MAGI1: variants seen among roughly 807,000 people sequenced by gnomAD.
The protein encoded by MAGI1 is membrane associated guanylate kinase, WW and PDZ domain containing 1.
A neutral mutation model predicts 139.9 loss-of-function variants in MAGI1; 58 were observed. The observed-to-expected ratio is 0.41, with a 90% confidence interval of 0.34 to 0.52. MAGI1 has a LOEUF of 0.52. Among genes scored for constraint, MAGI1 ranks in the 20% least tolerant of loss-of-function variants. The pLI, the probability that MAGI1 is intolerant of heterozygous loss-of-function variation, is 0.12. For synonymous variants in MAGI1, 812 were observed against 737.9 expected, an observed-to-expected ratio of 1.10 and a Z score of -1.63; for missense variants, 1,874 against 1,901.6, an observed-to-expected ratio of 0.99 and a Z score of 0.27.
chr3:65,425,142 A>C (rs992654678), intron 12 of MAGI1, among the ~76,000 whole-genome samples: 2 of 146,472 alleles, frequency 1.4e-5, no homozygotes, highest in African/African-American at 2.5e-5. Flanking sequence ...ACAAAAAAAA[A>C]CACACATGCC....
chr3:66,024,315 T>TAAAA (rs34593257), intron 1 of MAGI1, among the ~76,000 whole-genome samples: 38 of 95,736 alleles, frequency 4.0e-4, no homozygotes, highest in East Asian at 9.3e-4. Flanking sequence ...CAAAGTTCAT[T>TAAAA]AAAAAAAAAA....
At chr3:65,701,845 G>C (rs1429124643) in intron 1 of MAGI1, among the ~76,000 whole-genome samples, 2 of 152,164 alleles carry the variant, frequency 1.3e-5, no homozygotes, top group African/African-American at 4.8e-5. Context: ...AAATAGAGGA[G>C]AAAATAGTAA....
At chr3:65,661,914 A>C (rs2086219397) in intron 1 of MAGI1, among the ~76,000 whole-genome samples, 1 of 150,862 alleles carries the variant, frequency 6.6e-6, no homozygotes, top group Admixed American at 6.6e-5. Context: ...TGCCCGGCTA[A>C]ATTTTTGTAT....
At chr3:65,654,526 T>C (rs1026022996) in intron 1 of MAGI1, among the ~76,000 whole-genome samples, 1 of 152,188 alleles carries the variant, frequency 6.6e-6, no homozygotes, top group Non-Finnish European at 1.5e-5. Context: ...CACTTTCAAA[T>C]AGAAGATTCC....
At chr3:65,543,207 T>A (rs1456616816) in intron 2 of MAGI1, among the ~76,000 whole-genome samples, 1 of 152,112 alleles carries the variant, frequency 6.6e-6, no homozygotes, top group African/African-American at 2.4e-5. Flanking sequence ...TGAGATACCA[T>A]CTCACGCCAG....
intron 4 of MAGI1, among the ~76,000 whole-genome samples, chr3:65,471,161 T>C (rs1050549289): frequency 1.3e-5 from 2 of 152,178 alleles, no homozygotes; most frequent in South Asian, 2.1e-4. Context: ...TGGACTGATA[T>C]GACTTGAGTC....
At chr3:65,630,200 C>T (rs573352571) in intron 1 of MAGI1, among the ~76,000 whole-genome samples, 25 of 152,114 alleles carry the variant, frequency 1.6e-4, no homozygotes, top group East Asian at 9.7e-4. Flanking sequence ...CCCTGTGAGC[C>T]CTGAGGATGC....
At chr3:65,733,870 G>A (rs2034440129) in intron 1 of MAGI1, among the ~76,000 whole-genome samples, 1 of 152,176 alleles carries the variant, frequency 6.6e-6, no homozygotes, top group South Asian at 2.1e-4. Flanking sequence ...CATGTTTGTA[G>A]GAGGCCATGT....
At chr3:65,710,903 A>C (rs1377593817) in intron 1 of MAGI1, among the ~76,000 whole-genome samples, 6 of 151,874 alleles carry the variant, frequency 4.0e-5, no homozygotes, top group Non-Finnish European at 8.8e-5. Context: ...CATTTCTCCA[A>C]CTGTTCCTTT....
intron 2 of MAGI1, among the ~76,000 whole-genome samples, chr3:65,591,886 G>A (rs1051239220): frequency 1.3e-5 from 2 of 152,228 alleles, no homozygotes; most frequent in East Asian, 1.9e-4. Context: ...CAGTGAGGTC[G>A]ACCCTTGACA....
At chr3:65,380,338 T>G (rs1942943490) in intron 16 of MAGI1, among the ~76,000 whole-genome samples, 1 of 152,254 alleles carries the variant, frequency 6.6e-6, no homozygotes, top group Admixed American at 6.5e-5. Flanking sequence ...TTTTCATAGA[T>G]TGTTTTAATT....
At chr3:65,701,247 T>G (rs1175707673) in intron 1 of MAGI1, among the ~76,000 whole-genome samples, 1 of 152,176 alleles carries the variant, frequency 6.6e-6, no homozygotes, top group African/African-American at 2.4e-5. Flanking sequence ...AGCTCTAACT[T>G]GATTCCAAGT....
chr3:65,671,319 T>C (rs1322903832), intron 1 of MAGI1, among the ~76,000 whole-genome samples: 1 of 152,162 alleles, frequency 6.6e-6, no homozygotes, highest in Non-Finnish European at 1.5e-5. Context: ...TTGCTCTGCA[T>C]TGCTATGCAC....
At chr3:65,438,666 G>T (rs182187572) in intron 9 of MAGI1, among the ~76,000 whole-genome samples, 1 of 152,156 alleles carries the variant, frequency 6.6e-6, no homozygotes, top group Non-Finnish European at 1.5e-5. Flanking sequence ...AGCCAAACTG[G>T]GGCCAATTCC....
chr3:65,840,031 G>A (rs1300778931), intron 1 of MAGI1, among the ~76,000 whole-genome samples: 2 of 152,012 alleles, frequency 1.3e-5, no homozygotes, highest in East Asian at 3.9e-4. Context: ...ATTGTAAGTG[G>A]TATACATTTT....
At chr3:65,498,745 G>A (rs1466539912) in intron 2 of MAGI1, among the ~76,000 whole-genome samples, 1 of 152,150 alleles carries the variant, frequency 6.6e-6, no homozygotes, top group Non-Finnish European at 1.5e-5. Context: ...GTCCTTCATG[G>A]AAATGTTCCA....
At chr3:65,417,844 T>C (rs374350352) in intron 12 of MAGI1, among the ~76,000 whole-genome samples, 2 of 152,146 alleles carry the variant, frequency 1.3e-5, no homozygotes, top group East Asian at 1.9e-4. Flanking sequence ...GATTAAAAAA[T>C]ACATGATGAG....
chr3:65,954,722 G>A (rs2064031363), intron 1 of MAGI1, among the ~76,000 whole-genome samples: 1 of 152,034 alleles, frequency 6.6e-6, no homozygotes, highest in Non-Finnish European at 1.5e-5. Context: ...TGTTGCTGGA[G>A]GAATCTTAAG....
Position 65,356,652 on chromosome 3 carries a change from C to T in MAGI1, c.4115G>A (p.Arg1372Gln). ...RRDGSPSRRR[R>Q]SLERLLEQRR... ...CTGCTCCAGGAGTCTCTCCAGAGAC[C>T]GTCTCCGCCGGCTGGGGGAGCCGTC... The change falls in exon 23 of 23, where the codon CGG (arginine) becomes CAG (glutamine). Residue 1372 changes from arginine (R) to glutamine (Q), a missense_variant. Arg to Gln is a conservative substitution (Grantham distance 43, BLOSUM62 1). Coordinates refer to ENST00000402939, the MANE Select transcript of MAGI1 (RefSeq NM_001033057.2). The T allele has an allele frequency of 6.3e-7, 1 of 1,583,184 alleles. No homozygotes were observed.
Sources: gnomAD v4.1 joint callset for allele counts (sites outside exome capture counted in the v4.1 genomes callset) on GRCh38, gnomAD v4.1.1 for gene constraint, MANE v1.5 for transcripts, NCBI Gene and HGNC (gene_info 2026-07-23, HGNC 2026-07-21) for gene names.